Variants in BRD10 observed in about 807,000 individuals in gnomAD.
BRD10 encodes bromodomain containing 10.
chr9:5,889,928 A>G, the BRD10 span, among the ~76,000 whole-genome samples: 1 of 152,204 alleles, frequency 6.6e-6, no homozygotes, highest in Admixed American at 6.5e-5. Flanking sequence ...TCCCTTTCAC[A>G]TAGATGGAAA....
chr9:5,882,020 G>T, the BRD10 span, among the ~76,000 whole-genome samples: 1 of 152,332 alleles, frequency 6.6e-6, no homozygotes, highest in Admixed American at 6.5e-5. Context: ...ATGAGAATAT[G>T]AACGGGGAGC....
chr9:6,007,837 G>C, the BRD10 span: 1 of 1,393,928 alleles, frequency 7.2e-7, no homozygotes, highest in Non-Finnish European at 9.2e-7. Context: ...TCGAGGTGCT[G>C]GGGGACGCGT....
chr9:5,997,235 A>T, the BRD10 span, among the ~76,000 whole-genome samples: 1 of 152,240 alleles, frequency 6.6e-6, no homozygotes, highest in African/African-American at 2.4e-5. Context: ...TGTCTACAGA[A>T]AATAAGTAAT....
chr9:5,893,256 G>T, the BRD10 span, among the ~76,000 whole-genome samples: 5 of 152,294 alleles, frequency 3.3e-5, no homozygotes, highest in East Asian at 9.6e-4. Flanking sequence ...CTCTGTATGT[G>T]CTGGGAGTGG....
chr9:5,895,792 C>T, the BRD10 span, among the ~76,000 whole-genome samples: 1 of 152,210 alleles, frequency 6.6e-6, no homozygotes, highest in Non-Finnish European at 1.5e-5. Flanking sequence ...AGGCGCCCTG[C>T]CAAGCTGGGC....
At chr9:5,901,727 G>A in the BRD10 span, among the ~76,000 whole-genome samples, 10 of 151,760 alleles carry the variant, frequency 6.6e-5, no homozygotes, top group Admixed American at 2.0e-4. Flanking sequence ...TCACCATGTT[G>A]CCCAGGCTGG....
At chr9:5,903,890 C>T in the BRD10 span, among the ~76,000 whole-genome samples, 11 of 151,704 alleles carry the variant, frequency 7.3e-5, no homozygotes, top group South Asian at 1.9e-3. Flanking sequence ...CAGAGTCTCG[C>T]TGTGTCACCT....
At chr9:5,935,255 T>C in the BRD10 span, among the ~76,000 whole-genome samples, 1 of 152,240 alleles carries the variant, frequency 6.6e-6, no homozygotes, top group Non-Finnish European at 1.5e-5. Flanking sequence ...CATCCCACAC[T>C]GAATACATTG....
the BRD10 span, chr9:5,890,870 T>G: frequency 3.3e-5 from 5 of 152,250 alleles, no homozygotes; most frequent in East Asian, 7.7e-4. Flanking sequence ...TCAAAACGAT[T>G]AAGAGCCAGA....
At chr9:5,942,610 C>CT in the BRD10 span, among the ~76,000 whole-genome samples, 1 of 152,072 alleles carries the variant, frequency 6.6e-6, no homozygotes, top group Non-Finnish European at 1.5e-5. Context: ...TTCATGTAAA[C>CT]AATCTTTTAA....
At chr9:5,997,938 G>A in the BRD10 span, among the ~76,000 whole-genome samples, 2 of 152,094 alleles carry the variant, frequency 1.3e-5, no homozygotes, top group Non-Finnish European at 2.9e-5. Context: ...CATACTGTAC[G>A]TTTTGTAAAG....
At chr9:5,920,051 G>A in the BRD10 span, 3 of 1,613,986 alleles carry the variant, frequency 1.9e-6, no homozygotes, top group Non-Finnish European at 2.5e-6. Flanking sequence ...GAGTTGTGGT[G>A]ATGTATGTAC....
chr9:5,928,979 A>T, the BRD10 span: 1 of 829,382 alleles, frequency 1.2e-6, no homozygotes, highest in Non-Finnish European at 2.0e-6. Context: ...ATTCCAGGAC[A>T]TCATCCAAAA....
chr9:5,968,217 G>T, the BRD10 span: 1 of 1,612,260 alleles, frequency 6.2e-7, no homozygotes. Context: ...AGTTTCTTGT[G>T]GCTCTGTAGT....
At chr9:5,884,931 T>C in the BRD10 span, among the ~76,000 whole-genome samples, 4 of 152,188 alleles carry the variant, frequency 2.6e-5, no homozygotes, top group Admixed American at 6.5e-5. Flanking sequence ...CCTTTCCTAA[T>C]AGAGCCCGGG....
At chr9:5,905,186 G>A in the BRD10 span, among the ~76,000 whole-genome samples, 5 of 152,098 alleles carry the variant, frequency 3.3e-5, 1 homozygote, top group Admixed American at 2.0e-4. Context: ...GGCATTATGA[G>A]TATCTTAAAA....
the BRD10 span, among the ~76,000 whole-genome samples, chr9:5,895,525 C>A: frequency 6.6e-6 from 1 of 152,062 alleles, no homozygotes; most frequent in African/African-American, 2.4e-5. Context: ...AAGAATGATG[C>A]AAAATAAGTT....
chr9:5,947,917 C>A, the BRD10 span, among the ~76,000 whole-genome samples: 1 of 152,232 alleles, frequency 6.6e-6, no homozygotes, highest in South Asian at 2.1e-4. Flanking sequence ...AAAAACGTAT[C>A]TGAGGCACAG....
chr9:5,975,039 T>G, the BRD10 span, among the ~76,000 whole-genome samples: 1,604 of 152,262 alleles, frequency 0.011, 25 homozygotes, highest in African/African-American at 0.03. Flanking sequence ...TTTACAATGT[T>G]TGGCATTCAA....
Sources: allele counts gnomAD v4.1 joint callset (sites outside exome capture counted in the v4.1 genomes callset), GRCh38; gene constraint gnomAD v4.1.1; transcripts MANE v1.5; gene names NCBI Gene and HGNC (gene_info 2026-07-23, HGNC 2026-07-21).